PAX6: variants seen among roughly 807,000 people sequenced by gnomAD.
The protein encoded by PAX6 is paired box 6, also known as paired box protein Pax-6.
Under a neutral mutation model 60.7 loss-of-function variants are expected in PAX6, and 7 were observed. That is an observed-to-expected ratio of 0.12 (90% CI 0.07 to 0.22). PAX6 has a LOEUF of 0.22. Among genes scored for constraint, PAX6 ranks in the 10% least tolerant of loss-of-function variants. The pLI is 1.00. For missense variants in PAX6, 355 were observed against 555.2 expected (o/e 0.64, Z 3.62); for synonymous variants, 208 against 201.2 (o/e 1.03, Z -0.29).
rs1195857981 is a variant in PAX6, at chr11:31,802,200, T to C, written c.142-288A>G. The C allele has an allele frequency of 6.8e-6, 3 of 438,032 alleles. No individual in the cohort carries two copies. The East Asian group carries it at 1.3e-4, about 20-fold the overall frequency. The allele number at this position is 438,032 out of a possible 1,614,324, so 27.1% of individuals were successfully genotyped here. A position where few individuals can be genotyped will look rare whatever the true frequency, so the allele number is the denominator to read the frequency against. On this transcript the variant is annotated intron_variant, in intron 5 of 13. Coordinates refer to ENST00000640368, the MANE Select transcript of PAX6 (RefSeq NM_001368894.2). The stretch of plus-strand genomic sequence containing the variant: ...AAAATAAACTGATTTTTTTACTTCT[T>C]CTTCTTTAAAAAATACTCAATTGAG...
chr11:31,790,726 C>T lies in PAX6; in HGVS notation c.1209G>A (p.Ser403=), dbSNP rs1293431626. ...GTGGCTCACCTGTTGAAGTGGTGCC[C>T]GAGGTGCCCATTGGCTGACTGTTCA... ...THMNSQPMGT[S]GTTSTGLISP... The change falls in exon 13 of 14, where the codon TCG becomes TCA. Residue 403 remains serine, a synonymous_variant. Coordinates refer to ENST00000640368, the MANE Select transcript of PAX6 (RefSeq NM_001368894.2). The T allele has an allele frequency of 8.1e-6, 13 of 1,613,846 alleles. No individual in the cohort carries two copies. The highest frequency in any genetic ancestry group is 1.1e-5 in the Non-Finnish European group (13 of 1,180,012).
At position 31,794,478 on chromosome 11, in the gene PAX6, A is replaced by T. The variant is rs1592431184; in HGVS notation, c.724+152T>A. ...CACACACACACACACACACACACAC[A>T]CTGAAAAGATGCCCAGAGAAATAAA... is the stretch of plus-strand genomic sequence containing the variant. On this transcript the variant is annotated intron_variant, in intron 9 of 13. Transcript: ENST00000640368. 5.6e-5 allele frequency: 33 copies of T among 589,154 alleles called. No homozygotes were observed. The East Asian group carries it at 9.9e-4, about 18-fold the overall frequency. 36.5% of individuals were successfully genotyped at this position (589,154 alleles called of 1,614,324 possible).
Position 31,789,912 on chromosome 11 carries a change from CTTTT to C in PAX6, c.*18_*21del, listed in dbSNP as rs759391101. 6.6e-3 allele frequency: 6,849 copies of C among 1,031,810 alleles called. No individual in the cohort carries two copies. The highest frequency in any genetic ancestry group is 8.1e-3 in the Non-Finnish European group (5,805 of 715,468). The allele number at this position is 1,031,810 out of a possible 1,614,324, so 63.9% of individuals were successfully genotyped here. Reference sequence around the variant, plus strand: ...CTGAATTAACACAATATTTCCTTTCCTTTTTTTTTTTTTTTTTTTTTTTACTGTA... The same window carrying C: ...CTGAATTAACACAATATTTCCTTTCCTTTTTTTTTTTTTTTTTTTACTGTA... On this transcript the variant is annotated 3_prime_UTR_variant, in exon 14 of 14. Transcript: ENST00000640368.
At chr11:31,797,833 G>C (rs927434943) in intron 8 of PAX6, among the ~76,000 whole-genome samples, 2 of 152,084 alleles carry the variant, frequency 1.3e-5, no homozygotes, top group Admixed American at 1.3e-4. Flanking sequence ...TTCAAAAGGC[G>C]CCCCCTCGGA....
chr11:31,807,032 C>A (rs1955983350), intron 2 of PAX6, 107 bp from the exon 3 acceptor site: 1 of 152,322 alleles, frequency 6.6e-6, no homozygotes, highest in South Asian at 2.1e-4. Context: ...GCATCTAGGG[C>A]TCAGTCAAAC....
At chr11:31,806,736 C>G (rs1364496308) in intron 3 of PAX6, 113 bp downstream of exon 3, 1 of 379,554 alleles carries the variant, frequency 2.6e-6, no homozygotes, top group Non-Finnish European at 4.7e-6. Context: ...AGAAGCGATG[C>G]CCCAATTTTG....
Position 31,801,691 on chromosome 11 carries a change from G to A in PAX6, c.269C>T (p.Pro90Leu), listed in dbSNP as rs2135096558. ...TACAACTTCTGGAGTCGCTACTCTC[G>A]GTTTACTACCACCGATTGCCCTGGG... ...IRPRAIGGSK[P>L]RVATPEVVSK... Residue 90 changes from proline to leucine, a missense_variant, in exon 7 of 14, where the codon CCG (proline) becomes CTG (leucine). Physicochemically the swap from Pro to Leu is moderately conservative, Grantham distance 98. Around this residue, in one of 5 missense-constraint regions of PAX6, gnomAD observed 5 missense variants for 45.0 expected, o/e 0.11. Transcript: ENST00000640368. The A allele has an allele frequency of 6.2e-7, 1 of 1,614,040 alleles. No individual in the cohort carries two copies. Among genetic ancestry groups the A allele is most frequent in the Non-Finnish European group, 8.5e-7 (1 of 1,180,022 alleles).
chr11:31,812,238 G>C (rs1171019675), upstream of PAX6: 1 of 152,766 alleles, frequency 6.5e-6, no homozygotes, highest in Non-Finnish European at 1.5e-5. Context: ...TAAGAGGGGA[G>C]GGGGAGTGGA....
intron 12 of PAX6, 148 bp downstream of exon 12, chr11:31,793,290 A>G (rs1418163110): frequency 1.4e-6 from 1 of 732,068 alleles, no homozygotes; most frequent in Non-Finnish European, 2.5e-6. Context: ...GATGGGATTG[A>G]CTGTCTCCGA....
Position 31,789,634 on chromosome 11 carries a change from A to G in PAX6, c.*300T>C, listed in dbSNP as rs1554982132. On this transcript the variant is annotated 3_prime_UTR_variant, in exon 14 of 14. Coordinates refer to ENST00000640368, the MANE Select transcript of PAX6 (RefSeq NM_001368894.2). ...CAGATCAAACATCCATCCAGTCTAC[A>G]TTGTTCTTTTTTTCATTATAACATA... 2 of 696,456 alleles carry G rather than the reference A, an allele frequency of 2.9e-6. No individual in the cohort carries two copies. Among genetic ancestry groups the G allele is most frequent in the Non-Finnish European group, 5.2e-6 (2 of 382,420 alleles). 43.1% of individuals were successfully genotyped at this position (696,456 alleles called of 1,614,324 possible). A position where few individuals can be genotyped will look rare whatever the true frequency, so the allele number is the denominator to read the frequency against.
rs774277013 is a variant in PAX6 at position 31,794,149 on chromosome 11, G to A, written c.725-35C>T. On this transcript the variant is annotated intron_variant, in intron 9 of 13. Transcript: ENST00000640368. The stretch of plus-strand genomic sequence containing the variant: ...TAAGTTGATTTTCCATATTGTGCCA[G>A]AACTACACAAAATATGTTGACCAAA... The A allele has an allele frequency of 8.6e-6, 12 of 1,387,410 alleles. No homozygotes were observed. In the African/African-American group the frequency reaches 1.7e-4, roughly 20 times the overall value. 85.9% of individuals were successfully genotyped at this position (1,387,410 alleles called of 1,614,324 possible).
At chr11:31,806,653 G>A (rs1255925315) in intron 3 of PAX6, 191 bp from the exon 4 acceptor site, 4 of 567,986 alleles carry the variant, frequency 7.0e-6, no homozygotes, top group Non-Finnish European at 1.3e-5. Context: ...ACCCTTTGGG[G>A]CTTGAAACAA....
intron 1 of PAX6, among the ~76,000 whole-genome samples, chr11:31,817,100 G>C (rs1215132571): frequency 6.6e-6 from 1 of 152,232 alleles, no homozygotes; most frequent in Admixed American, 6.5e-5. Flanking sequence ...GCGCCCGCGC[G>C]CTTCCCGCCG....
At chr11:31,811,328 C>T, upstream of PAX6, 1 of 398,424 alleles carries the variant, frequency 2.5e-6, no homozygotes, top group Non-Finnish European at 4.4e-6. Flanking sequence ...CATGCAAATG[C>T]ACCGCTCGCT....
chr11:31,794,858 T>A, intron 8 of PAX6, 70 bp from the exon 9 acceptor site: 1 of 1,457,248 alleles, frequency 6.9e-7, no homozygotes, highest in Non-Finnish European at 9.6e-7. Flanking sequence ...GGGCCTGGTG[T>A]AGTCTTAAAC....
intron 4 of PAX6, 124 bp downstream of exon 4, chr11:31,806,278 G>C (rs923932756): frequency 1.8e-6 from 2 of 1,142,604 alleles, no homozygotes; most frequent in Non-Finnish European, 2.5e-6. Flanking sequence ...GCCGCCGCAG[G>C]TCCCCGGGCC....
intron 12 of PAX6, 46 bp downstream of exon 12, chr11:31,793,392 C>T (rs777077426): frequency 7.1e-6 from 11 of 1,553,562 alleles, no homozygotes; most frequent in South Asian, 6.7e-5. Context: ...CCACTCCTCA[C>T]TTCTCTGGGG....
intron 2 of PAX6, chr11:31,809,718 G>T (rs1956644710): frequency 6.6e-6 from 1 of 152,216 alleles, no homozygotes; most frequent in Admixed American, 6.5e-5. Flanking sequence ...GCCGGGAGAA[G>T]AAGTGATCAG....
At chr11:31,800,412 C>G in intron 8 of PAX6, 1 of 558,572 alleles carries the variant, frequency 1.8e-6, no homozygotes, top group East Asian at 3.1e-5. Context: ...GCAGCTCGTT[C>G]TTATGCACAC....
Sources: gnomAD v4.1 joint callset for allele counts (sites outside exome capture counted in the v4.1 genomes callset) on GRCh38, gnomAD v4.1.1 for gene constraint, gnomAD v4.1.1 regional missense constraint, MANE v1.5 for transcripts, NCBI Gene and HGNC (gene_info 2026-07-23, HGNC 2026-07-21) for gene names.